ANKH: variants seen among roughly 807,000 people sequenced by gnomAD.
ANKH encodes the protein ANKH inorganic pyrophosphate transport regulator, also known as mineralization regulator ANKH.
ANKH carries 15 observed loss-of-function variants against 49.0 expected under a neutral mutation model. That is an observed-to-expected ratio of 0.31 (90% confidence interval 0.20 to 0.47). The LOEUF is 0.47. Ranked by LOEUF, ANKH falls within the 20% of genes least tolerant of loss-of-function variation. The pLI, the probability that ANKH is intolerant of heterozygous loss-of-function variation, is 1.00. For synonymous variants in ANKH, 273 were observed against 260.0 expected (o/e 1.05, Z -0.48); for missense variants, 429 against 652.0 (o/e 0.66, Z 3.72).
intron 6 of ANKH, among the ~76,000 whole-genome samples, chr5:14,748,663 T>C (rs1441627190): frequency 6.6e-6 from 1 of 152,186 alleles, no homozygotes; most frequent in Non-Finnish European, 1.5e-5. Flanking sequence ...TGGTGACGGG[T>C]CAGGTGGCAC....
intron 2 of ANKH, among the ~76,000 whole-genome samples, chr5:14,759,302 G>A (rs1214973601): frequency 1.3e-5 from 2 of 152,108 alleles, no homozygotes; most frequent in African/African-American, 2.4e-5. Flanking sequence ...CAGCCAGTAC[G>A]GGCTGAATGA....
intron 1 of ANKH, among the ~76,000 whole-genome samples, chr5:14,794,177 T>A (rs1385842519): frequency 6.6e-6 from 1 of 152,246 alleles, no homozygotes; most frequent in Non-Finnish European, 1.5e-5. Context: ...GGAAGTGTAC[T>A]GGGAAAGCCA....
At chr5:14,838,594 A>AC (rs1335543183) in intron 1 of ANKH, among the ~76,000 whole-genome samples, 1 of 151,984 alleles carries the variant, frequency 6.6e-6, no homozygotes, top group African/African-American at 2.4e-5. Context: ...CCCCTGGGGG[A>AC]CCCCACGCCT....
In ANKH at chr5:14,713,421, C is replaced by T. The variant is rs1182486321; in HGVS notation, c.1265+123G>A. ...GTGCCTGGGCAGACACACAAAACAT[C>T]ATTCTGAATTTCCGATTCTAGACGT... is the stretch of plus-strand genomic sequence containing the variant. On this transcript the variant is annotated intron_variant, in intron 10 of 11. Coordinates refer to ENST00000284268, the MANE Select transcript of ANKH (RefSeq NM_054027.6). This position sits in a 1 kb window ranked among gnomAD's most constrained non-coding sequence, Gnocchi z 4.4. 1.1e-5 allele frequency: 16 copies of T among 1,394,970 alleles called. No individual in the cohort carries two copies. In the South Asian group the frequency reaches 1.9e-4, roughly 16 times the overall value. 86.4% of individuals were successfully genotyped at this position (1,394,970 alleles called of 1,614,324 possible).
At chr5:14,757,449 T>G (rs1738937538) in intron 3 of ANKH, among the ~76,000 whole-genome samples, 1 of 115,606 alleles carries the variant, frequency 8.7e-6, no homozygotes, top group Non-Finnish European at 1.8e-5. Flanking sequence ...TTTTTTTTTT[T>G]GCTAAGTCTT....
At chr5:14,848,030 C>T (rs1742013866) in intron 1 of ANKH, among the ~76,000 whole-genome samples, 1 of 152,138 alleles carries the variant, frequency 6.6e-6, no homozygotes, top group African/African-American at 2.4e-5. Context: ...ATTCCAGCTA[C>T]TCGGGAGGCT....
At chr5:14,712,564 C>T (rs987452417) in intron 11 of ANKH, among the ~76,000 whole-genome samples, 2 of 152,370 alleles carry the variant, frequency 1.3e-5, no homozygotes, top group South Asian at 4.1e-4. Flanking sequence ...CGGGTCATTC[C>T]CCAAAGCAAG....
In ANKH at chr5:14,712,904, G is replaced by A. The variant is rs754282464; in HGVS notation, c.1335C>T (p.Ala445=). ...AGFVGESTMV[A]IAACYVYRKQ... is the part of the protein sequence containing the mutation. ...TCCGGTAGACATAGCACGCAGCGAT[G>A]GCGACCATGGTGGATTCTCCCACAA... Residue 445 remains alanine (A), a synonymous_variant, in exon 11 of 12, where the codon GCC becomes GCT. Transcript: ENST00000284268. 1.9e-6 allele frequency: 3 copies of A among 1,612,724 alleles called. No individual in the cohort carries two copies. The highest frequency in any genetic ancestry group is 1.3e-5 in the African/African-American group (1 of 74,902).
intron 2 of ANKH, among the ~76,000 whole-genome samples, chr5:14,761,398 G>T (rs1046337097): frequency 6.6e-6 from 1 of 152,198 alleles, no homozygotes; most frequent in East Asian, 1.9e-4. Context: ...GATGGGACAT[G>T]TGAGTTTCAG....
chr5:14,719,491 C>A (rs917705684), intron 8 of ANKH, among the ~76,000 whole-genome samples: 1 of 152,162 alleles, frequency 6.6e-6, no homozygotes, highest in African/African-American at 2.4e-5. Flanking sequence ...CTGATCTTCC[C>A]TGGAGCAGGG....
intron 1 of ANKH, among the ~76,000 whole-genome samples, chr5:14,860,264 G>A (rs1026963786): frequency 1.3e-5 from 2 of 152,198 alleles, no homozygotes; most frequent in African/African-American, 2.4e-5. Context: ...AGAGGAGGAG[G>A]GTGTTGTCTT....
intron 1 of ANKH, among the ~76,000 whole-genome samples, chr5:14,795,605 T>C (rs189356573): frequency 3.3e-5 from 5 of 152,290 alleles, no homozygotes; most frequent in Admixed American, 3.3e-4. Flanking sequence ...TCCCAGCACT[T>C]TGGGAGGCAA....
At chr5:14,731,969 G>A (rs954518269) in intron 8 of ANKH, among the ~76,000 whole-genome samples, 2 of 152,206 alleles carry the variant, frequency 1.3e-5, no homozygotes, top group Non-Finnish European at 2.9e-5. Context: ...GGGTCATGAC[G>A]GGTCCCTAGG....
intron 8 of ANKH, among the ~76,000 whole-genome samples, chr5:14,726,126 T>A (rs1440133765): frequency 6.6e-6 from 1 of 152,096 alleles, no homozygotes; most frequent in Non-Finnish European, 1.5e-5. Context: ...ATGTCCCACA[T>A]CACCTCATGA....
chr5:14,751,560 C>A (rs1358544478), intron 4 of ANKH, among the ~76,000 whole-genome samples: 1 of 152,114 alleles, frequency 6.6e-6, no homozygotes, highest in East Asian at 1.9e-4. Context: ...TTTCAGGAAT[C>A]CCTTGGCAAT....
chr5:14,711,668 C>T (rs1326380177), intron 11 of ANKH, among the ~76,000 whole-genome samples: 2 of 152,224 alleles, frequency 1.3e-5, no homozygotes, highest in Non-Finnish European at 1.5e-5. Flanking sequence ...CTCCCTAAAG[C>T]CTCAAGCTTG....
intron 1 of ANKH, among the ~76,000 whole-genome samples, chr5:14,794,457 T>C (rs533355723): frequency 2.6e-5 from 4 of 152,240 alleles, no homozygotes; most frequent in Non-Finnish European, 5.9e-5. Flanking sequence ...GATGTTCCAT[T>C]GAATGCCTCT....
chr5:14,742,940 G>A lies in ANKH; in HGVS notation c.916-1018C>T, dbSNP rs561432307. ...AGAAAAATAACCCTGACCTCATTATGGACCCAATTAGTCCCAGAGTCGACT... is the reference window on the plus strand; with the variant it reads ...AGAAAAATAACCCTGACCTCATTATAGACCCAATTAGTCCCAGAGTCGACT... On this transcript the variant is annotated intron_variant, in intron 7 of 11. Coordinates refer to ENST00000284268, the MANE Select transcript of ANKH (RefSeq NM_054027.6). Among the ~76,000 whole-genome samples the A allele has an allele frequency of 4.0e-4, 61 of 152,260 alleles. 1 individual carries two copies. The South Asian group carries it at 5.4e-3, about 13-fold the overall frequency.
chr5:14,714,040 CTAGT>C (rs1210761333), intron 9 of ANKH, among the ~76,000 whole-genome samples: 1 of 152,274 alleles, frequency 6.6e-6, no homozygotes, highest in African/African-American at 2.4e-5. Context: ...AAGTGGCACT[CTAGT>C]GTGATGCTGC....
Sources: allele counts gnomAD v4.1 joint callset (sites outside exome capture counted in the v4.1 genomes callset), GRCh38; gene constraint gnomAD v4.1.1; non-coding constraint Gnocchi (gnomAD v3.1); transcripts MANE v1.5; gene names NCBI Gene and HGNC (gene_info 2026-07-23, HGNC 2026-07-21).